Variants in DST observed in about 807,000 individuals in gnomAD.
DST encodes dystonin, also known as bullous pemphigoid antigen.
A neutral mutation model predicts 875.2 loss-of-function variants in DST; 253 were observed. The ratio of observed to expected loss-of-function variants is 0.29; its 90% CI spans 0.26 to 0.32. The LOEUF is 0.32. DST is among the 10% of genes least tolerant of loss of function. DST has a pLI of 1.00. For synonymous variants in DST, 3,124 were observed against 3,197.1 expected (o/e 0.98, Z 0.77); for missense variants, 8,287 against 9,111.6 (o/e 0.91, Z 3.68).
intron 50 of DST, among the ~76,000 whole-genome samples, chr6:56,574,099 CT>C (rs1253918847): frequency 1.3e-5 from 2 of 152,128 alleles, no homozygotes; most frequent in African/African-American, 2.4e-5. Context: ...AAATTGAAAT[CT>C]TTTTTTAAAA....
At position 56,561,318 on chromosome 6, in the gene DST, T is replaced by G; in HGVS notation, c.14300A>C (p.Glu4767Ala). ...TDTEAVKTQV[E>A]QNKSFEAELK... The stretch of plus-strand genomic sequence containing the variant: ...ACCCACAGAATATACCTTATTCTGC[T>G]CAACTTGAGTCTTCACAGCTTCAGT... Residue 4767 changes from glutamate (E) to alanine (A), a missense_variant, in exon 57 of 104, where the codon GAG becomes GCG. Around this residue, in one of 10 missense-constraint regions of DST, gnomAD observed 1,513 missense variants for 1,677.8 expected, o/e 0.90. Coordinates refer to ENST00000680361, the MANE Select transcript of DST (RefSeq NM_001374736.1). The G allele has an allele frequency of 6.2e-7, 1 of 1,612,702 alleles. No homozygotes were observed. Among genetic ancestry groups the G allele is most frequent in the Non-Finnish European group, 8.5e-7 (1 of 1,179,244 alleles).
At position 56,714,555 on chromosome 6, in the gene DST, C is replaced by T. The variant is rs868111470; in HGVS notation, c.688-10186G>A. Among the ~76,000 whole-genome samples, 1 of 152,148 alleles carries T rather than the reference C, an allele frequency of 6.6e-6. No homozygotes were observed. Among genetic ancestry groups the T allele is most frequent in the African/African-American group, 2.4e-5 (1 of 41,426 alleles). The stretch of plus-strand genomic sequence containing the variant: ...TCCAGCCCCTGTCTGAGCACACTCC[C>T]TTTTAAAGTGACAAGTTTCACCAAG... On this transcript the variant is annotated intron_variant, in intron 5 of 103. Coordinates refer to ENST00000680361, the MANE Select transcript of DST (RefSeq NM_001374736.1). This position sits in a 1 kb window ranked among gnomAD's most constrained non-coding sequence, Gnocchi z 4.5.
intron 102 of DST, among the ~76,000 whole-genome samples, chr6:56,462,753 C>G (rs546537092): frequency 6.6e-6 from 1 of 152,232 alleles, no homozygotes; most frequent in South Asian, 2.1e-4. Flanking sequence ...CTATGTTACT[C>G]TCCCAAGAGA....
chr6:56,833,506 T>C (rs1450945727), intron 4 of DST, among the ~76,000 whole-genome samples: 1 of 152,092 alleles, frequency 6.6e-6, no homozygotes, highest in Non-Finnish European at 1.5e-5. Flanking sequence ...CATGGACTAC[T>C]AATTTCAGTG....
At position 56,592,306 on chromosome 6, in the gene DST, T is replaced by C. The variant is rs752294316; in HGVS notation, c.12779A>G (p.Tyr4260Cys). ...AAGAAGTCCACATGAAGCATCTTCA[T>C]AGTGTTGATATTTATCCACCAGATC... Reference protein sequence around the residue: ...LKDLVDKYQHYEDASCGLLAG... With the variant: ...LKDLVDKYQHCEDASCGLLAG... Residue 4260 changes from tyrosine (Y) to cysteine (C), a missense_variant, in exon 49 of 104, where the codon TAT becomes TGT. Coordinates refer to ENST00000680361, the MANE Select transcript of DST (RefSeq NM_001374736.1). The C allele has an allele frequency of 1.9e-6, 3 of 1,609,048 alleles. No individual in the cohort carries two copies. The highest frequency in any genetic ancestry group is 2.5e-6 in the Non-Finnish European group (3 of 1,177,248).
At chr6:56,615,859 C>T in intron 36 of DST, 3 of 1,614,160 alleles carry the variant, frequency 1.9e-6, no homozygotes, top group Middle Eastern at 1.6e-4. Context: ...CCACCACTGA[C>T]ATCATTTTGT....
Position 56,642,769 on chromosome 6 carries a change from C to T in DST, c.1779-266G>A, listed in dbSNP as rs1160249927. 6.2e-7 allele frequency: 1 copy of T among 1,614,082 alleles called. No homozygotes were observed. The highest frequency in any genetic ancestry group is 8.5e-7 in the Non-Finnish European group (1 of 1,179,962). On this transcript the variant is annotated intron_variant, in intron 15 of 103. Coordinates refer to ENST00000680361, the MANE Select transcript of DST (RefSeq NM_001374736.1). ...AAACACAGAATCACTGCTACGGTAA[C>T]TATAACTACTACTGTGCATTTTTAT... is the stretch of plus-strand genomic sequence containing the variant.
chr6:56,913,521 T>C (rs1253987097), intron 2 of DST, among the ~76,000 whole-genome samples: 1 of 152,202 alleles, frequency 6.6e-6, no homozygotes, highest in Non-Finnish European at 1.5e-5. Flanking sequence ...GCTACTTCTC[T>C]GCCACAAACA....
At chr6:56,863,944 G>C (rs547130412) in intron 3 of DST, 7 of 152,316 alleles carry the variant, frequency 4.6e-5, no homozygotes. Flanking sequence ...TGATGTGACG[G>C]TTAATTTTAT....
At chr6:56,703,561 C>G (rs78579493) in intron 7 of DST, 87 bp downstream of exon 7, 3 of 417,638 alleles carry the variant, frequency 7.2e-6, no homozygotes, top group South Asian at 2.0e-4. Context: ...TAAAAAGGAG[C>G]CTGAACCCAG....
intron 61 of DST, among the ~76,000 whole-genome samples, chr6:56,548,266 C>T (rs2097262247): frequency 6.6e-6 from 1 of 152,212 alleles, no homozygotes; most frequent in Non-Finnish European, 1.5e-5. Flanking sequence ...TCAAAGCCAT[C>T]CTGGGCCACA....
At chr6:56,613,302 C>G (rs9357927) in intron 37 of DST, among the ~76,000 whole-genome samples, 51,575 of 152,024 alleles carry the variant, frequency 0.34, 9,159 homozygotes, top group Admixed American at 0.41. Flanking sequence ...AAGACTATGA[C>G]TGAATACTTC....
At chr6:56,798,226 A>T (rs184762815) in intron 4 of DST, among the ~76,000 whole-genome samples, 140 of 152,342 alleles carry the variant, frequency 9.2e-4, no homozygotes, top group Non-Finnish European at 1.7e-3. Flanking sequence ...TTTATTGGAG[A>T]TGCCACATAG....
At chr6:56,846,527 A>G (rs1273787514) in intron 4 of DST, among the ~76,000 whole-genome samples, 1 of 152,236 alleles carries the variant, frequency 6.6e-6, no homozygotes, top group Non-Finnish European at 1.5e-5. Flanking sequence ...TGTAGCTAAC[A>G]ACAGCAGATC....
chr6:56,859,312 T>C lies in DST; in HGVS notation c.418-7708A>G, dbSNP rs991987460. Among the ~76,000 whole-genome samples the C allele has an allele frequency of 3.9e-5, 6 of 152,196 alleles. No individual in the cohort carries two copies. In the South Asian group the frequency reaches 1.2e-3, roughly 32 times the overall value. ...CCTCCATAAATCTCCCCAAACAGAT[T>C]ACAAATAAAATAAGAACTATGCAAA... On this transcript the variant is annotated intron_variant, in intron 3 of 103. Coordinates refer to ENST00000680361, the MANE Select transcript of DST (RefSeq NM_001374736.1).
intron 10 of DST, among the ~76,000 whole-genome samples, chr6:56,670,330 G>C (rs1270202777): frequency 6.6e-6 from 1 of 151,968 alleles, no homozygotes; most frequent in Non-Finnish European, 1.5e-5. Flanking sequence ...CGGAGTAGCT[G>C]GAAATACAGG....
At chr6:56,810,799 A>T (rs1322618291) in intron 4 of DST, among the ~76,000 whole-genome samples, 1 of 151,936 alleles carries the variant, frequency 6.6e-6, no homozygotes, top group Non-Finnish European at 1.5e-5. Flanking sequence ...TGTCATCTTC[A>T]TTAAGAAGAA....
chr6:56,889,310 A>G (rs961784633), intron 3 of DST, among the ~76,000 whole-genome samples: 3 of 152,204 alleles, frequency 2.0e-5, no homozygotes, highest in Non-Finnish European at 4.4e-5. Flanking sequence ...TTTCTTTCCA[A>G]TCCTCAATCC....
At chr6:56,632,475 T>C (rs1198774253) in intron 28 of DST, among the ~76,000 whole-genome samples, 2 of 152,192 alleles carry the variant, frequency 1.3e-5, no homozygotes, top group African/African-American at 4.8e-5. Flanking sequence ...CAGAATAAAA[T>C]CTGTATTTAA....
Sources: gnomAD v4.1 joint callset for allele counts (sites outside exome capture counted in the v4.1 genomes callset) on GRCh38, gnomAD v4.1.1 for gene constraint, gnomAD v4.1.1 regional missense constraint, Gnocchi (gnomAD v3.1) non-coding constraint, MANE v1.5 for transcripts, NCBI Gene and HGNC (gene_info 2026-07-23, HGNC 2026-07-21) for gene names.